Variants in ODF2 observed in about 807,000 individuals in gnomAD.
ODF2 encodes the protein outer dense fiber of sperm tails 2.
A neutral mutation model predicts 110.2 loss-of-function variants in ODF2; 47 were observed. The observed-to-expected ratio is 0.43, with a 90% confidence interval of 0.34 to 0.54. The LOEUF (loss-of-function observed/expected upper bound fraction) is 0.54, where lower values mean the gene tolerates loss of function less well. Among genes scored for constraint, ODF2 ranks in the 20% least tolerant of loss-of-function variants. The probability of loss-of-function intolerance (pLI) is 0.03; values close to 1 mark genes in which losing one functional copy is unlikely to be tolerated. For synonymous variants in ODF2, 352 were observed against 397.7 expected, an observed-to-expected ratio of 0.89 and a Z score of 1.37; for missense variants, 812 against 1,054.5, an observed-to-expected ratio of 0.77 and a Z score of 3.19.
exon 1 of ODF2, chr9:128,456,171 C>G (rs964886649): frequency 4.5e-6 from 7 of 1,549,294 alleles, no homozygotes; most frequent in Admixed American, 2.0e-5. Flanking sequence ...CTGCATCCGC[C>G]GCGGCGTCTC....
At chr9:128,457,575 T>C in intron 2 of ODF2, 1 of 1,176,684 alleles carries the variant, frequency 8.5e-7, no homozygotes, top group Admixed American at 3.0e-5. Context: ...AAAAATCGTT[T>C]TTAAAGGGAA....
chr9:128,461,638 C>T (rs982530790), intron 4 of ODF2, among the ~76,000 whole-genome samples: 3 of 152,132 alleles, frequency 2.0e-5, no homozygotes, highest in Non-Finnish European at 2.9e-5. Context: ...AGGCTGGTCT[C>T]GAACTCCTGA....
chr9:128,481,798 G>A (rs922782618), intron 9 of ODF2, 147 bp downstream of exon 9: 10 of 595,102 alleles, frequency 1.7e-5, no homozygotes, highest in East Asian at 8.9e-5. Flanking sequence ...ATGGGCTGAT[G>A]TCCTCCTGTC....
chr9:128,465,235 G>A (rs368170946), intron 4 of ODF2, among the ~76,000 whole-genome samples: 2 of 152,106 alleles, frequency 1.3e-5, no homozygotes, highest in East Asian at 1.9e-4. Flanking sequence ...ACTTGCCAGT[G>A]GCTTCCTGTG....
intron 17 of ODF2, 84 bp from the exon 18 acceptor site, chr9:128,495,957 G>A: frequency 6.6e-7 from 1 of 1,517,916 alleles, no homozygotes; most frequent in Non-Finnish European, 9.0e-7. Context: ...CCCTTTCCTG[G>A]GTGTGGACAA....
exon 8 of ODF2, chr9:128,473,651 G>A (rs1209309854): frequency 1.2e-6 from 2 of 1,613,624 alleles, no homozygotes; most frequent in Non-Finnish European, 1.7e-6. Flanking sequence ...CCCTGACAAG[G>A]CAGAAGGAAC....
chr9:128,457,320 G>A, exon 2 of ODF2: 1 of 1,609,298 alleles, frequency 6.2e-7, no homozygotes, highest in Non-Finnish European at 8.5e-7. Context: ...CCCTTGAGAG[G>A]CTCATTGACA....
chr9:128,457,245 T>C lies in ODF2; in HGVS notation c.-161T>C, dbSNP rs73626744. On this transcript the variant is annotated 5_prime_UTR_variant, in exon 2 of 21. Transcript: ENST00000604420. ...CAGTAGAGGAGCGCCTCCCAAGTTT[T>C]CATCCAACTGCCAACCCCAAAGCTT... The C allele has an allele frequency of 4.6e-3, 7,282 of 1,595,256 alleles. 292 individuals are homozygous for C. In the African/African-American group the frequency reaches 0.084, roughly 18 times the overall value.
intron 3 of ODF2, 183 bp from the exon 3 acceptor site, chr9:128,460,367 C>T: frequency 2.8e-6 from 4 of 1,425,610 alleles, no homozygotes; most frequent in Non-Finnish European, 3.7e-6. Context: ...GGGATCTCTG[C>T]AGGAGCCTGC....
intron 1 of ODF2, chr9:128,456,472 C>G: frequency 6.6e-7 from 1 of 1,522,010 alleles, no homozygotes; most frequent in South Asian, 1.2e-5. Context: ...TCGGCCGCCT[C>G]CTTCCTCTCT....
At chr9:128,455,793 C>T (rs1834639445), upstream of ODF2, among the ~76,000 whole-genome samples, 1 of 152,072 alleles carries the variant, frequency 6.6e-6, no homozygotes, top group African/African-American at 2.4e-5. Flanking sequence ...TCCATGGGTC[C>T]TCTGTGAGCC....
chr9:128,477,242 A>C (rs566102401), intron 8 of ODF2, among the ~76,000 whole-genome samples: 48 of 151,616 alleles, frequency 3.2e-4, no homozygotes, highest in African/African-American at 1.1e-3. Context: ...CAAAAAAAAA[A>C]AAAACCTGTT....
chr9:128,466,213 C>G (rs995516046), intron 4 of ODF2, among the ~76,000 whole-genome samples: 1 of 151,970 alleles, frequency 6.6e-6, no homozygotes, highest in Non-Finnish European at 1.5e-5. Context: ...CGCCTGTAAT[C>G]CCAGCACTTT....
At chr9:128,461,933 G>A (rs561522676) in intron 4 of ODF2, among the ~76,000 whole-genome samples, 4 of 152,206 alleles carry the variant, frequency 2.6e-5, no homozygotes, top group African/African-American at 9.6e-5. Context: ...AATGGAAACT[G>A]CTCTGACCAG....
intron 6 of ODF2, 116 bp from the exon 7 acceptor site, chr9:128,472,797 C>T (rs1360818321): frequency 6.7e-7 from 1 of 1,502,738 alleles, no homozygotes; most frequent in Non-Finnish European, 9.0e-7. Flanking sequence ...TCCCTGCCCC[C>T]TCCCCTACTT....
rs1254947111 is a variant in ODF2, at chr9:128,485,345, C to G, written c.1291-20C>G. The G allele has an allele frequency of 2.1e-6, 3 of 1,416,362 alleles. No individual in the cohort carries two copies. Among genetic ancestry groups the G allele is most frequent in the Non-Finnish European group, 3.0e-6 (3 of 1,005,632 alleles). 87.7% of individuals were successfully genotyped at this position (1,416,362 alleles called of 1,614,324 possible). A position where few individuals can be genotyped will look rare whatever the true frequency, so the allele number is the denominator to read the frequency against. Reference sequence around the variant, plus strand: ...ACCACTGACACTAGGCTAACAGGCCCTTTTGTCCCGTGTTCCCAGGATCTT... The same window carrying G: ...ACCACTGACACTAGGCTAACAGGCCGTTTTGTCCCGTGTTCCCAGGATCTT... On this transcript the variant is annotated intron_variant, in intron 12 of 20. Transcript: ENST00000604420. This position sits in a 1 kb window ranked among gnomAD's most constrained non-coding sequence, Gnocchi z 5.0.
exon 15 of ODF2, chr9:128,492,453 C>G: frequency 6.2e-7 from 1 of 1,613,958 alleles, no homozygotes; most frequent in Non-Finnish European, 8.5e-7. Context: ...GGAGGACAAA[C>G]TCAACCAGGC....
At chr9:128,496,341 A>G in intron 18 of ODF2, 200 bp downstream of exon 18, 4 of 1,445,782 alleles carry the variant, frequency 2.8e-6, no homozygotes, top group Non-Finnish European at 3.7e-6. Flanking sequence ...CAGCCTGGGG[A>G]GACACTCCAT....
intron 18 of ODF2, among the ~76,000 whole-genome samples, chr9:128,496,714 TTATCTATCTATC>T (rs56716979): frequency 6.7e-5 from 10 of 149,354 alleles, no homozygotes; most frequent in African/African-American, 2.4e-4. Flanking sequence ...AAGGTAGAGT[TTATCTATCTATC>T]TATCTATCTA....
Sources: allele counts gnomAD v4.1 joint callset (sites outside exome capture counted in the v4.1 genomes callset), GRCh38; gene constraint gnomAD v4.1.1; non-coding constraint Gnocchi (gnomAD v3.1); transcripts MANE v1.5; gene names NCBI Gene and HGNC (gene_info 2026-07-23, HGNC 2026-07-21).